CNGA1: variants seen among roughly 807,000 people sequenced by gnomAD.
CNGA1 encodes the protein cyclic nucleotide-gated channel alpha-1.
In CNGA1, 53 loss-of-function variants were observed where a neutral mutation model predicts 69.7. The ratio of observed to expected loss-of-function variants is 0.76; its 90% confidence interval spans 0.61 to 0.96. CNGA1 has a LOEUF of 0.96. Among genes scored for constraint, CNGA1 ranks in the 40% least tolerant of loss-of-function variants. The probability of loss-of-function intolerance (pLI) is 0.00; values close to 1 mark genes in which losing one functional copy is unlikely to be tolerated. For synonymous variants in CNGA1, 249 were observed against 283.5 expected (o/e 0.88, Z 1.22); for missense variants, 739 against 811.2 (o/e 0.91, Z 1.08).
chr4:47,951,175 C>A (rs1027382835), intron 5 of CNGA1, among the ~76,000 whole-genome samples, 178 bp downstream of exon 5: 13 of 152,216 alleles, frequency 8.5e-5, no homozygotes, highest in South Asian at 4.1e-4. Flanking sequence ...TCCGAAACAA[C>A]AGTTTACAAA....
At chr4:47,943,329 T>C in intron 7 of CNGA1, 41 bp from the exon 8 acceptor site, 1 of 1,541,062 alleles carries the variant, frequency 6.5e-7, no homozygotes, top group East Asian at 2.5e-5. Context: ...ACAGAAATGT[T>C]ATGGGCAGAA....
In CNGA1 at chr4:47,944,475, C is replaced by T. The variant is rs558971257; in HGVS notation, c.288-1063G>A. Among the ~76,000 whole-genome samples the T allele has an allele frequency of 2.6e-5, 4 of 152,226 alleles. No homozygotes were observed. In the South Asian group the frequency reaches 8.3e-4, roughly 32 times the overall value. On this transcript the variant is annotated intron_variant, in intron 6 of 10. Transcript: ENST00000514170. ...TAGCATGGATCCTGAAGGATGATGTCGACACACTACTCAAATGGCTCTTGG... is the reference window on the plus strand; with the variant it reads ...TAGCATGGATCCTGAAGGATGATGTTGACACACTACTCAAATGGCTCTTGG...
At chr4:47,983,459 C>T (rs1439444500) in intron 2 of CNGA1, among the ~76,000 whole-genome samples, 1 of 151,898 alleles carries the variant, frequency 6.6e-6, no homozygotes, top group African/African-American at 2.4e-5. Flanking sequence ...CGTGGTGGTA[C>T]AGTGCCTGTA....
intron 2 of CNGA1, among the ~76,000 whole-genome samples, chr4:48,003,699 G>T (rs1714765027): frequency 6.6e-6 from 1 of 152,134 alleles, no homozygotes; most frequent in Non-Finnish European, 1.5e-5. Flanking sequence ...AGGAGCTGAG[G>T]AGACATTGGG....
intron 5 of CNGA1, 49 bp from the exon 6 acceptor site, chr4:47,949,944 T>A: frequency 6.4e-7 from 1 of 1,552,568 alleles, no homozygotes; most frequent in Non-Finnish European, 8.9e-7. Flanking sequence ...ACCATCTGTA[T>A]AATGTCCATG....
intron 3 of CNGA1, among the ~76,000 whole-genome samples, chr4:47,959,473 T>C (rs1284695313): frequency 1.3e-5 from 2 of 152,040 alleles, no homozygotes; most frequent in Non-Finnish European, 2.9e-5. Context: ...CCACAAAAAT[T>C]AATTCAATAT....
intron 3 of CNGA1, among the ~76,000 whole-genome samples, chr4:47,953,211 A>G (rs190414560): frequency 2.6e-4 from 40 of 152,358 alleles, no homozygotes; most frequent in Non-Finnish European, 3.5e-4. Context: ...TTATTCTTTA[A>G]TAGAATGCAG....
rs373448145 is a variant in CNGA1, at chr4:47,942,083, A to C, written c.503T>G (p.Ile168Ser). ...GNTYYNWLFC[I>S]TLPVMYNWTM... ...CCAGTTGTACATAACAGGTAATGTGATGCAAAACAGCCAGTTGTAATATGT... is the reference window on the plus strand; with the variant it reads ...CCAGTTGTACATAACAGGTAATGTGCTGCAAAACAGCCAGTTGTAATATGT... The change falls in exon 9 of 11, where the codon ATC becomes AGC. Residue 168 changes from isoleucine (I) to serine (S), a missense_variant. Coordinates refer to ENST00000514170, the MANE Select transcript of CNGA1 (RefSeq NM_001379270.1). 1.1e-5 allele frequency: 18 copies of C among 1,613,546 alleles called. No individual in the cohort carries two copies. In the African/African-American group the frequency reaches 2.1e-4, roughly 19 times the overall value.
chr4:47,979,305 A>T (rs536494582), intron 3 of CNGA1, among the ~76,000 whole-genome samples: 13 of 137,842 alleles, frequency 9.4e-5, no homozygotes, highest in Admixed American at 7.0e-4. Context: ...TGGGCAACAG[A>T]GCAACACTCC....
intron 3 of CNGA1, among the ~76,000 whole-genome samples, chr4:47,955,233 A>G (rs1740012393): frequency 8.0e-6 from 1 of 124,434 alleles, no homozygotes; most frequent in South Asian, 2.5e-4. Flanking sequence ...CCTAGGCTGG[A>G]GTGCAGTGGT....
At position 47,969,480 on chromosome 4, in the gene CNGA1, G is replaced by T. The variant is rs575465111; in HGVS notation, c.-15+11913C>A. Among the ~76,000 whole-genome samples, 23 of 151,626 alleles carry T rather than the reference G, an allele frequency of 1.5e-4. No individual in the cohort carries two copies. The South Asian group carries it at 3.6e-3, about 23-fold the overall frequency. Reference sequence around the variant, plus strand: ...TTGTTTTTTGTTTTTTCGTTTTTTTGTTTTTTTTAGATGGAGTCTTGCTCT... The same window carrying T: ...TTGTTTTTTGTTTTTTCGTTTTTTTTTTTTTTTTAGATGGAGTCTTGCTCT... On this transcript the variant is annotated intron_variant, in intron 3 of 10. Transcript: ENST00000514170.
intron 2 of CNGA1, among the ~76,000 whole-genome samples, chr4:47,999,474 T>C (rs1026402588): frequency 6.6e-6 from 1 of 152,178 alleles, no homozygotes; most frequent in Non-Finnish European, 1.5e-5. Context: ...TAATAATGTC[T>C]GGCATTCAAT....
At chr4:47,957,488 T>C (rs527677518) in intron 3 of CNGA1, among the ~76,000 whole-genome samples, 1 of 152,210 alleles carries the variant, frequency 6.6e-6, no homozygotes, top group Admixed American at 6.5e-5. Context: ...AGAGTGGTGA[T>C]GTGCACCTGT....
At chr4:47,947,115 C>T (rs1739441893) in intron 6 of CNGA1, among the ~76,000 whole-genome samples, 1 of 152,090 alleles carries the variant, frequency 6.6e-6, no homozygotes, top group Admixed American at 6.6e-5. Context: ...GTCATTTCCA[C>T]GTTGGAAATT....
chr4:47,999,082 C>CA (rs1327078559), intron 2 of CNGA1, among the ~76,000 whole-genome samples: 1 of 152,048 alleles, frequency 6.6e-6, no homozygotes, highest in Non-Finnish European at 1.5e-5. Context: ...CATATCATCA[C>CA]AAAAAAGGTG....
chr4:47,991,941 T>A (rs1560309292), intron 2 of CNGA1, among the ~76,000 whole-genome samples: 1 of 152,188 alleles, frequency 6.6e-6, no homozygotes, highest in Non-Finnish European at 1.5e-5. Context: ...CCCCACTTTA[T>A]GTTTTTGTTT....
chr4:47,939,203 G>T (rs1401415233), intron 10 of CNGA1, among the ~76,000 whole-genome samples: 2 of 152,132 alleles, frequency 1.3e-5, no homozygotes, highest in East Asian at 3.9e-4. Flanking sequence ...ATCCAGGAAA[G>T]GGAGAAGCAC....
In CNGA1 at chr4:47,971,965, A is replaced by G. The variant is rs191719466; in HGVS notation, c.-15+9428T>C. ...ACTGTAATCTCCCAGTCCCTTCCCT[A>G]TTTCCCTAGGAGCAGTCACTACTGT... is the stretch of plus-strand genomic sequence containing the variant. On this transcript the variant is annotated intron_variant, in intron 3 of 10. Transcript: ENST00000514170. Among the ~76,000 whole-genome samples the G allele has an allele frequency of 2.7e-3, 407 of 152,168 alleles. 2 individuals are homozygous for G. Among genetic ancestry groups the G allele is most frequent in the Middle Eastern group, 0.014 (4 of 294 alleles).
At chr4:47,967,658 C>T (rs1480765458) in intron 3 of CNGA1, among the ~76,000 whole-genome samples, 1 of 152,054 alleles carries the variant, frequency 6.6e-6, no homozygotes, top group Non-Finnish European at 1.5e-5. Flanking sequence ...TATGTAATAG[C>T]AAAGAACAAC....
Sources: gnomAD v4.1 joint callset for allele counts (sites outside exome capture counted in the v4.1 genomes callset) on GRCh38, gnomAD v4.1.1 for gene constraint, MANE v1.5 for transcripts, NCBI Gene and HGNC (gene_info 2026-07-23, HGNC 2026-07-21) for gene names.